The following MYOF variants were observed in gnomAD, a reference collection of about 807,000 sequenced individuals.
The protein encoded by MYOF is myoferlin.
MYOF carries 244 observed loss-of-function variants against 284.2 expected under a neutral mutation model. The ratio of observed to expected loss-of-function variants is 0.86; its 90% CI spans 0.77 to 0.95. The LOEUF (loss-of-function observed/expected upper bound fraction) is 0.95. Among genes scored for constraint, MYOF ranks in the 40% least tolerant of loss-of-function variants. The pLI is 0.00. For missense variants in MYOF, 2,496 were observed against 2,560.6 expected, an observed-to-expected ratio of 0.97 and a Z score of 0.54; for synonymous variants, 904 against 919.7, an observed-to-expected ratio of 0.98 and a Z score of 0.31.
chr10:93,329,968 G>T, intron 43 of MYOF, 134 bp from the exon 44 acceptor site: 1 of 756,132 alleles, frequency 1.3e-6, no homozygotes, highest in Non-Finnish European at 2.2e-6. Flanking sequence ...GATAACCAGG[G>T]TGGGTGGTGG....
intron 44 of MYOF, 47 bp downstream of exon 44, chr10:93,329,617 A>T: frequency 6.2e-7 from 1 of 1,607,320 alleles, no homozygotes; most frequent in South Asian, 1.1e-5. Context: ...CCCAGGTGCC[A>T]ATGTCAGAGG....
chr10:93,399,131 A>G (rs1002634993), intron 13 of MYOF, among the ~76,000 whole-genome samples: 1 of 152,202 alleles, frequency 6.6e-6, no homozygotes, highest in Admixed American at 6.5e-5. Flanking sequence ...AAGCAATTCC[A>G]GAAATTCAGT....
At position 93,382,487 on chromosome 10, in the gene MYOF, A is replaced by G. The variant is rs111640639; in HGVS notation, c.1699-1091T>C. On this transcript the variant is annotated intron_variant, in intron 19 of 53. Coordinates refer to ENST00000359263, the MANE Select transcript of MYOF (RefSeq NM_013451.4). ...AGGAAACTGGGTAAATTTATTTTAA[A>G]TTGAAATGGGAAATTAAACCTTCCT... Among the ~76,000 whole-genome samples the G allele has an allele frequency of 2.2e-3, 341 of 152,358 alleles. 1 individual carries two copies. The highest frequency in any genetic ancestry group is 7.2e-3 in the African/African-American group (300 of 41,594).
chr10:93,318,114 G>T (rs1391657550), intron 49 of MYOF, among the ~76,000 whole-genome samples: 1 of 152,134 alleles, frequency 6.6e-6, no homozygotes, highest in East Asian at 1.9e-4. Flanking sequence ...CACACCATCT[G>T]AAAGTGTGCA....
At chr10:93,388,012 TCCCATGG>T in intron 18 of MYOF, 99 bp from the exon 19 acceptor site, 1 of 882,348 alleles carries the variant, frequency 1.1e-6, no homozygotes, top group Non-Finnish European at 1.9e-6. Context: ...AGTTTCTCCT[TCCCATGG>T]CCCTAACCTT....
Position 93,353,922 on chromosome 10 carries a change from G to A in MYOF, c.3404-34C>T, listed in dbSNP as rs568353639. 33 of 1,511,276 alleles carry A rather than the reference G, an allele frequency of 2.2e-5. No homozygotes were observed. In the East Asian group the frequency reaches 7.3e-4, roughly 33 times the overall value. The allele number at this position is 1,511,276 out of a possible 1,614,324, so 93.6% of individuals were successfully genotyped here. A position where few individuals can be genotyped will look rare whatever the true frequency, so the allele number is the denominator to read the frequency against. Reference sequence around the variant, plus strand: ...ACAGGATAAAGATTACTTACAAGAAGCGTAACACTGTAAACTGCTATTTTA... The same window carrying A: ...ACAGGATAAAGATTACTTACAAGAAACGTAACACTGTAAACTGCTATTTTA... On this transcript the variant is annotated intron_variant, in intron 31 of 53. Coordinates refer to ENST00000359263, the MANE Select transcript of MYOF (RefSeq NM_013451.4).
At chr10:93,449,965 A>G (rs532409882) in intron 3 of MYOF, among the ~76,000 whole-genome samples, 1 of 152,242 alleles carries the variant, frequency 6.6e-6, no homozygotes, top group Admixed American at 6.5e-5. Flanking sequence ...GAAGACCCCA[A>G]TAACTGGAGT....
Position 93,323,535 on chromosome 10 carries a change from A to G in MYOF, c.5272-177T>C. 4 of 615,138 alleles carry G rather than the reference A, an allele frequency of 6.5e-6. No homozygotes were observed. The South Asian group carries it at 9.2e-5, about 14-fold the overall frequency. 38.1% of individuals were successfully genotyped at this position (615,138 alleles called of 1,614,324 possible). A position where few individuals can be genotyped will look rare whatever the true frequency, so the allele number is the denominator to read the frequency against. ...AACCAAGGTTAATCTTTTATGTACA[A>G]TGTCATTTAGGCCACCCACTTTCCA... On this transcript the variant is annotated intron_variant, in intron 46 of 53. Coordinates refer to ENST00000359263, the MANE Select transcript of MYOF (RefSeq NM_013451.4).
At chr10:93,353,707 AG>A in intron 32 of MYOF, 103 bp downstream of exon 32, 1 of 916,732 alleles carries the variant, frequency 1.1e-6, no homozygotes, top group Middle Eastern at 3.4e-4. Context: ...CAACATGTAA[AG>A]GGTTTTTGTT....
intron 35 of MYOF, among the ~76,000 whole-genome samples, chr10:93,350,376 G>A (rs533520123): frequency 1.1e-3 from 172 of 151,854 alleles, no homozygotes; most frequent in African/African-American, 3.9e-3. Flanking sequence ...ACAGTGGCAC[G>A]AACTAGGCTC....
At position 93,307,004 on chromosome 10, in the gene MYOF, G is replaced by A; in HGVS notation, c.6148-3C>T. Reference sequence around the variant, plus strand: ...ACAATCTTCATTGACAAATAGTTCTGGAAAGGAAACAAAAACAGTGGTAAA... The same window carrying A: ...ACAATCTTCATTGACAAATAGTTCTAGAAAGGAAACAAAAACAGTGGTAAA... On this transcript the variant is annotated splice_polypyrimidine_tract_variant and splice_region_variant and intron_variant, in intron 53 of 53. Transcript: ENST00000359263. 1 of 1,611,168 alleles carries A rather than the reference G, an allele frequency of 6.2e-7. No homozygotes were observed. The highest frequency in any genetic ancestry group is 8.5e-7 in the Non-Finnish European group (1 of 1,178,300).
chr10:93,368,225 C>T (rs1464050765), intron 25 of MYOF, among the ~76,000 whole-genome samples: 1 of 152,140 alleles, frequency 6.6e-6, no homozygotes, highest in African/African-American at 2.4e-5. Flanking sequence ...TTCAGGGCCT[C>T]CCTAGTGGCC....
intron 31 of MYOF, among the ~76,000 whole-genome samples, chr10:93,354,390 C>A (rs1844686146): frequency 6.6e-6 from 1 of 151,996 alleles, no homozygotes; most frequent in Non-Finnish European, 1.5e-5. Context: ...AAACAAAAAT[C>A]CTATTTTTAA....
At chr10:93,422,327 G>A (rs372624129) in intron 5 of MYOF, among the ~76,000 whole-genome samples, 3 of 152,178 alleles carry the variant, frequency 2.0e-5, no homozygotes, top group Admixed American at 6.5e-5. Context: ...GCTGGGCTGC[G>A]CTTGTGCAGT....
rs1462833118 is a variant in MYOF at position 93,462,093 on chromosome 10, A to AC, written c.89-5157dup. Reference sequence around the variant, plus strand: ...CAGGCTGGGCATTGCTAAGCCCCCCACCTTTTTTTTTTTTTGAGTTAGAGT... The same window carrying AC: ...CAGGCTGGGCATTGCTAAGCCCCCCACCCTTTTTTTTTTTTTGAGTTAGAGT... On this transcript the variant is annotated intron_variant, in intron 1 of 53. Transcript: ENST00000359263. Among the ~76,000 whole-genome samples, 304 of 37,968 alleles carry AC rather than the reference A, an allele frequency of 8.0e-3. 1 individual carries two copies. The highest frequency in any genetic ancestry group is 0.013 in the Admixed American group (29 of 2,276). The allele number at this position is 37,968 out of a possible 152,430, so 24.9% of individuals were successfully genotyped here. A position where few individuals can be genotyped will look rare whatever the true frequency, so the allele number is the denominator to read the frequency against.
intron 22 of MYOF, 129 bp from the exon 23 acceptor site, chr10:93,375,084 C>T: frequency 3.3e-6 from 3 of 900,742 alleles, no homozygotes; most frequent in Non-Finnish European, 5.0e-6. Context: ...ACTGAATCTA[C>T]AAGCACTGCC....
At chr10:93,428,038 C>A (rs866147292) in intron 4 of MYOF, among the ~76,000 whole-genome samples, 1 of 151,900 alleles carries the variant, frequency 6.6e-6, no homozygotes, top group African/African-American at 2.4e-5. Flanking sequence ...AGAGACAAAC[C>A]TCAGAATAAA....
At chr10:93,381,914 G>A (rs1456066439) in intron 19 of MYOF, among the ~76,000 whole-genome samples, 1 of 152,060 alleles carries the variant, frequency 6.6e-6, no homozygotes, top group African/African-American at 2.4e-5. Flanking sequence ...GTGCACACCT[G>A]TAATCTCAGC....
At chr10:93,401,666 G>T in intron 11 of MYOF, 122 bp from the exon 12 acceptor site, 1 of 1,326,124 alleles carries the variant, frequency 7.5e-7, no homozygotes, top group Non-Finnish European at 1.0e-6. Flanking sequence ...TGTGTTTGGG[G>T]CTTAAGAGTT....
Sources: allele counts gnomAD v4.1 joint callset (sites outside exome capture counted in the v4.1 genomes callset), GRCh38; gene constraint gnomAD v4.1.1; transcripts MANE v1.5; gene names NCBI Gene and HGNC (gene_info 2026-07-23, HGNC 2026-07-21).